Variants in CAP2 observed in about 807,000 individuals in gnomAD.
CAP2 encodes adenylyl cyclase-associated protein 2.
Under a neutral mutation model 57.7 loss-of-function variants are expected in CAP2, and 24 were observed. The ratio of observed to expected loss-of-function variants is 0.42; its 90% CI spans 0.30 to 0.58. The LOEUF is 0.58. Ranked by LOEUF, CAP2 falls within the 20% of genes least tolerant of loss-of-function variation. The probability of loss-of-function intolerance (pLI) is 0.22; values close to 1 mark genes in which losing one functional copy is unlikely to be tolerated. For synonymous variants in CAP2, 194 were observed against 207.2 expected, an observed-to-expected ratio of 0.94 and a Z score of 0.55; for missense variants, 501 against 590.3, an observed-to-expected ratio of 0.85 and a Z score of 1.57.
intron 4 of CAP2, among the ~76,000 whole-genome samples, chr6:17,501,434 C>T (rs529510840): frequency 1.1e-4 from 17 of 152,096 alleles, no homozygotes; most frequent in Middle Eastern, 6.8e-3. Context: ...CAGTGTTTCA[C>T]GAAGAGCATA....
chr6:17,421,724 CA>C, intron 2 of CAP2, 48 bp downstream of exon 2: 1 of 1,606,716 alleles, frequency 6.2e-7, no homozygotes, highest in Non-Finnish European at 8.5e-7. Context: ...TGGGTTACTT[CA>C]TTTTGTTTCC....
intron 6 of CAP2, 122 bp downstream of exon 6, chr6:17,507,848 T>C: frequency 1.8e-6 from 1 of 566,504 alleles, no homozygotes; most frequent in African/African-American, 1.9e-5. Context: ...TACTATAAAC[T>C]TTAAAGGAAA....
intron 12 of CAP2, 119 bp from the exon 13 acceptor site, chr6:17,556,240 G>A (rs772455193): frequency 1.0e-4 from 71 of 703,042 alleles, no homozygotes; most frequent in Non-Finnish European, 1.5e-4. Context: ...CAATTCGATC[G>A]AATTTCTTTG....
intron 1 of CAP2, among the ~76,000 whole-genome samples, chr6:17,410,834 C>T (rs1759125263): frequency 6.6e-6 from 1 of 152,218 alleles, no homozygotes; most frequent in Non-Finnish European, 1.5e-5. Context: ...GCTGGGACTA[C>T]AGGCGTGAGC....
chr6:17,541,396 A>T (rs1220172824), intron 9 of CAP2, among the ~76,000 whole-genome samples: 1 of 152,092 alleles, frequency 6.6e-6, no homozygotes, highest in African/African-American at 2.4e-5. Flanking sequence ...CCTGGCCAAC[A>T]TGGTGAAACC....
chr6:17,486,212 G>A (rs567478765), intron 4 of CAP2, among the ~76,000 whole-genome samples: 49 of 152,138 alleles, frequency 3.2e-4, no homozygotes, highest in Non-Finnish European at 6.6e-4. Flanking sequence ...CAATGAGATA[G>A]AAAAACTCTG....
intron 2 of CAP2, among the ~76,000 whole-genome samples, chr6:17,423,531 T>C (rs139803312): frequency 6.6e-6 from 1 of 152,296 alleles, no homozygotes; most frequent in Admixed American, 6.5e-5. Flanking sequence ...AAGACATTTC[T>C]GTAAACTACT....
intron 3 of CAP2, among the ~76,000 whole-genome samples, chr6:17,460,359 G>A (rs535349523): frequency 3.3e-5 from 5 of 152,182 alleles, no homozygotes; most frequent in African/African-American, 4.8e-5. Context: ...ACTCAGAAAC[G>A]GAGAAGTTAT....
intron 3 of CAP2, among the ~76,000 whole-genome samples, chr6:17,446,212 A>G (rs559292955): frequency 6.6e-6 from 1 of 152,354 alleles, no homozygotes; most frequent in South Asian, 2.1e-4. Context: ...GTTAAATGAG[A>G]CAAGAAAACA....
intron 3 of CAP2, among the ~76,000 whole-genome samples, chr6:17,453,911 T>G (rs1480512797): frequency 6.7e-6 from 1 of 150,342 alleles, no homozygotes; most frequent in Non-Finnish European, 1.5e-5. Context: ...CTTTTTTTTT[T>G]TTTTTTTTCC....
At position 17,416,942 on chromosome 6, in the gene CAP2, T is replaced by C. The variant is rs947481799; in HGVS notation, c.-1-4613T>C. ...ACACTGTCCCTGCAAAAAATGAATTTAAAAAATTAACCAGATGTAGTGGCA... is the reference window on the plus strand; with the variant it reads ...ACACTGTCCCTGCAAAAAATGAATTCAAAAAATTAACCAGATGTAGTGGCA... On this transcript the variant is annotated intron_variant, in intron 1 of 12. Coordinates refer to ENST00000229922, the MANE Select transcript of CAP2 (RefSeq NM_006366.3). Among the ~76,000 whole-genome samples the C allele has an allele frequency of 2.0e-5, 3 of 152,084 alleles. 1 individual carries two copies. In the South Asian group the frequency reaches 6.2e-4, roughly 32 times the overall value.
rs761539843 is a variant in CAP2, at chr6:17,531,223, T to C, written c.637-8046T>C. ...TTCAGAATTGGGTACCCCCATGCAGTGTATGGCTCTACAATCCTCAGCATG... is the reference window on the plus strand; with the variant it reads ...TTCAGAATTGGGTACCCCCATGCAGCGTATGGCTCTACAATCCTCAGCATG... On this transcript the variant is annotated intron_variant, in intron 7 of 12. Coordinates refer to ENST00000229922, the MANE Select transcript of CAP2 (RefSeq NM_006366.3). 11 of 777,046 alleles carry C rather than the reference T, an allele frequency of 1.4e-5. 1 individual carries two copies. In the South Asian group the frequency reaches 1.5e-4, roughly 10 times the overall value. The allele number at this position is 777,046 out of a possible 1,614,324, so 48.1% of individuals were successfully genotyped here. A position where few individuals can be genotyped will look rare whatever the true frequency, so the allele number is the denominator to read the frequency against.
intron 6 of CAP2, among the ~76,000 whole-genome samples, chr6:17,510,032 A>G (rs1272623105): frequency 1.3e-5 from 2 of 152,218 alleles, no homozygotes; most frequent in Non-Finnish European, 2.9e-5. Context: ...CAGGATAGTC[A>G]AATCTATAGA....
chr6:17,540,637 C>G (rs1364191913), intron 8 of CAP2, among the ~76,000 whole-genome samples: 1 of 152,004 alleles, frequency 6.6e-6, no homozygotes, highest in Non-Finnish European at 1.5e-5. Flanking sequence ...GCCTGTAATC[C>G]CAGCTACTTG....
At chr6:17,405,645 A>G (rs1241957266) in intron 1 of CAP2, among the ~76,000 whole-genome samples, 1 of 152,120 alleles carries the variant, frequency 6.6e-6, no homozygotes, top group Non-Finnish European at 1.5e-5. Flanking sequence ...GGATCTGTAA[A>G]TGTGTAGCTT....
At chr6:17,455,680 CGCCCACCACCAT>C (rs960561949) in intron 3 of CAP2, among the ~76,000 whole-genome samples, 7 of 152,038 alleles carry the variant, frequency 4.6e-5, no homozygotes, top group Non-Finnish European at 1.0e-4. Context: ...GGACTACAGG[CGCCCACCACCAT>C]GCCCGGCTAA....
chr6:17,531,350 C>T, intron 7 of CAP2: 7 of 1,500,592 alleles, frequency 4.7e-6, no homozygotes, highest in Non-Finnish European at 6.4e-6. Flanking sequence ...ACCATTGATA[C>T]CTCTGATCCT....
Position 17,420,217 on chromosome 6 carries a change from A to T in CAP2, c.-1-1338A>T, listed in dbSNP as rs139994996. 5.8e-4 allele frequency among the ~76,000 whole-genome samples: 88 copies of T among 152,274 alleles called. No individual in the cohort carries two copies. The East Asian group carries it at 0.015, about 27-fold the overall frequency. On this transcript the variant is annotated intron_variant, in intron 1 of 12. Transcript: ENST00000229922. ...AGTCCTCTAATCAGCTTTAATCCCTATTTATCCCAGCCAAGAGTACTGGGT... is the reference window on the plus strand; with the variant it reads ...AGTCCTCTAATCAGCTTTAATCCCTTTTTATCCCAGCCAAGAGTACTGGGT...
intron 3 of CAP2, among the ~76,000 whole-genome samples, chr6:17,450,430 G>A (rs2113577325): frequency 6.6e-6 from 1 of 152,294 alleles, no homozygotes; most frequent in Admixed American, 6.5e-5. Flanking sequence ...ACATATTTTG[G>A]ATGGGGTTGG....
Sources: allele counts gnomAD v4.1 joint callset (sites outside exome capture counted in the v4.1 genomes callset), GRCh38; gene constraint gnomAD v4.1.1; transcripts MANE v1.5; gene names NCBI Gene and HGNC (gene_info 2026-07-23, HGNC 2026-07-21).